CAMK1D: variants seen among roughly 807,000 people sequenced by gnomAD.
The protein encoded by CAMK1D is calcium/calmodulin dependent protein kinase ID, also known as calcium/calmodulin-dependent protein kinase type 1D.
Under a neutral mutation model 47.7 loss-of-function variants are expected in CAMK1D, and 9 were observed. That is an observed-to-expected ratio of 0.19 (90% confidence interval 0.11 to 0.33). The LOEUF is 0.33. Ranked by LOEUF, CAMK1D falls within the 10% of genes least tolerant of loss-of-function variation. The probability of loss-of-function intolerance (pLI) is 1.00; values close to 1 mark genes in which losing one functional copy is unlikely to be tolerated. For missense variants in CAMK1D, 291 were observed against 488.7 expected, an observed-to-expected ratio of 0.60 and a Z score of 3.81; for synonymous variants, 184 against 184.9, an observed-to-expected ratio of 0.99 and a Z score of 0.04.
At chr10:12,694,198 T>A (rs1344225947) in intron 3 of CAMK1D, among the ~76,000 whole-genome samples, 2 of 53,676 alleles carry the variant, frequency 3.7e-5, no homozygotes, top group African/African-American at 1.5e-4. Context: ...TAATATATAT[T>A]ATATATTATG....
At position 12,814,320 on chromosome 10, in the gene CAMK1D, T is replaced by C. The variant is rs772782410; in HGVS notation, c.754+13T>C. 10 of 1,558,304 alleles carry C rather than the reference T, an allele frequency of 6.4e-6. No individual in the cohort carries two copies. In the African/African-American group the frequency reaches 1.2e-4, roughly 19 times the overall value. On this transcript the variant is annotated intron_variant, in intron 7 of 10. Coordinates refer to ENST00000619168, the MANE Select transcript of CAMK1D (RefSeq NM_153498.4). ...ATCTCCGACTCTGGTAGGTCTCCCATAGGCAGCTCCCAGTGGGCGGCCCCC... is the reference window on the plus strand; with the variant it reads ...ATCTCCGACTCTGGTAGGTCTCCCACAGGCAGCTCCCAGTGGGCGGCCCCC...
chr10:12,647,089 C>T (rs1839830760), intron 2 of CAMK1D, among the ~76,000 whole-genome samples: 1 of 148,996 alleles, frequency 6.7e-6, no homozygotes, highest in Admixed American at 6.7e-5. Context: ...GATCCGCCCA[C>T]CTCAGCCTCC....
intron 1 of CAMK1D, among the ~76,000 whole-genome samples, chr10:12,353,431 C>T (rs564780609): frequency 6.6e-6 from 1 of 152,300 alleles, no homozygotes; most frequent in South Asian, 2.1e-4. Context: ...ATATCCACTG[C>T]CTTATCCAGG....
intron 1 of CAMK1D, among the ~76,000 whole-genome samples, chr10:12,537,564 T>A (rs1305268583): frequency 2.0e-5 from 3 of 152,232 alleles, no homozygotes; most frequent in African/African-American, 7.2e-5. Flanking sequence ...CTAGTGAGTG[T>A]TGAGCATCAG....
intron 2 of CAMK1D, among the ~76,000 whole-genome samples, chr10:12,598,620 T>C (rs942558038): frequency 9.2e-5 from 14 of 152,070 alleles, no homozygotes; most frequent in African/African-American, 3.4e-4. Flanking sequence ...AAGATGCTTG[T>C]CATAGAGCAT....
At chr10:12,452,404 GAATA>G (rs1833109860) in intron 1 of CAMK1D, among the ~76,000 whole-genome samples, 1 of 151,334 alleles carries the variant, frequency 6.6e-6, no homozygotes, top group Admixed American at 6.6e-5. Flanking sequence ...TATGTGGACT[GAATA>G]AATATTTATA....
chr10:12,382,600 G>T (rs1349532380), intron 1 of CAMK1D, among the ~76,000 whole-genome samples: 1 of 152,090 alleles, frequency 6.6e-6, no homozygotes. Context: ...TGAGGTGGGC[G>T]GATCACCTGA....
intron 1 of CAMK1D, among the ~76,000 whole-genome samples, chr10:12,531,016 C>T (rs1271103597): frequency 2.0e-5 from 3 of 151,238 alleles, no homozygotes; most frequent in Non-Finnish European, 4.4e-5. Context: ...CAAGATTGTG[C>T]CACTGCACTC....
chr10:12,387,072 C>A (rs907621549), intron 1 of CAMK1D, among the ~76,000 whole-genome samples: 1 of 151,048 alleles, frequency 6.6e-6, no homozygotes, highest in Non-Finnish European at 1.5e-5. Context: ...GGTGTGATGG[C>A]GGGCACCTGT....
intron 1 of CAMK1D, among the ~76,000 whole-genome samples, chr10:12,417,888 G>A (rs759269621): frequency 2.6e-4 from 40 of 151,328 alleles, no homozygotes; most frequent in Non-Finnish European, 5.0e-4. Flanking sequence ...TGCAACCTCC[G>A]CCTCCTGGGT....
chr10:12,562,408 A>ATGGCAGTTTCCC (rs1204103296), intron 2 of CAMK1D, among the ~76,000 whole-genome samples: 2 of 152,192 alleles, frequency 1.3e-5, no homozygotes, highest in East Asian at 3.8e-4. Flanking sequence ...CGCTCAAAGC[A>ATGGCAGTTTCCC]TGGCAGTTTC....
intron 1 of CAMK1D, among the ~76,000 whole-genome samples, chr10:12,445,536 G>C (rs1317229936): frequency 2.6e-5 from 4 of 152,172 alleles, no homozygotes; most frequent in Admixed American, 2.0e-4. Flanking sequence ...AGAGTAGACA[G>C]ACTTTTCTTT....
chr10:12,711,280 C>T (rs900445523), intron 3 of CAMK1D, among the ~76,000 whole-genome samples: 4 of 152,050 alleles, frequency 2.6e-5, no homozygotes, highest in Admixed American at 1.3e-4. Flanking sequence ...GGAACGGGGG[C>T]GCCACCTGCA....
intron 2 of CAMK1D, among the ~76,000 whole-genome samples, chr10:12,572,277 A>G (rs1214409187): frequency 2.0e-5 from 3 of 152,104 alleles, no homozygotes; most frequent in African/African-American, 7.2e-5. Context: ...TTCTCATGAG[A>G]GTGAGGGAGT....
At position 12,568,236 on chromosome 10, in the gene CAMK1D, TCCTTCCCCTC is replaced by T. The variant is rs1235552050; in HGVS notation, c.224+14893_224+14902del. 4.5e-3 allele frequency among the ~76,000 whole-genome samples: 306 copies of T among 68,196 alleles called. 4 individuals carry two copies. The highest frequency in any genetic ancestry group is 0.017 in the African/African-American group (272 of 15,636). The allele number at this position is 68,196 out of a possible 152,430, so 44.7% of individuals were successfully genotyped here. ...TTCCCTTCCTGCCCCTCCCTTCCCT[TCCTTCCCCTC>T]CCTTCCCCTCCCCTACCCTTCTCCG... On this transcript the variant is annotated intron_variant, in intron 2 of 10. Transcript: ENST00000619168.
chr10:12,578,535 A>G (rs1837563360), intron 2 of CAMK1D, among the ~76,000 whole-genome samples: 1 of 133,800 alleles, frequency 7.5e-6, no homozygotes, highest in African/African-American at 3.0e-5. Flanking sequence ...GTGCCATTGC[A>G]CTCCAGCCTG....
At chr10:12,374,837 G>A (rs745814910) in intron 1 of CAMK1D, among the ~76,000 whole-genome samples, 30 of 151,676 alleles carry the variant, frequency 2.0e-4, no homozygotes, top group Non-Finnish European at 2.1e-4. Flanking sequence ...CAGCTACTTG[G>A]GAGGCTGAGG....
intron 1 of CAMK1D, among the ~76,000 whole-genome samples, chr10:12,392,763 T>C (rs1838783060): frequency 6.6e-6 from 1 of 152,186 alleles, no homozygotes; most frequent in African/African-American, 2.4e-5. Flanking sequence ...TCCTCCCAGC[T>C]GAAATTTTGT....
chr10:12,515,402 C>CTTTTT (rs772694725), intron 1 of CAMK1D, among the ~76,000 whole-genome samples: 14 of 101,994 alleles, frequency 1.4e-4, no homozygotes, highest in Admixed American at 3.1e-4. Flanking sequence ...TTTTCCTTTT[C>CTTTTT]TTTTTTTTTT....
Sources: gnomAD v4.1 joint callset for allele counts (sites outside exome capture counted in the v4.1 genomes callset) on GRCh38, gnomAD v4.1.1 for gene constraint, MANE v1.5 for transcripts, NCBI Gene and HGNC (gene_info 2026-07-23, HGNC 2026-07-21) for gene names.